Variants in AFG2A observed in about 807,000 individuals in gnomAD.
AFG2A encodes ATPase family gene 2 protein homolog A.
At chr4:122,970,159 C>T in the AFG2A span, among the ~76,000 whole-genome samples, 1 of 152,194 alleles carries the variant, frequency 6.6e-6, no homozygotes, top group Non-Finnish European at 1.5e-5. Flanking sequence ...GTCCTATAAG[C>T]CTCATTCATG....
the AFG2A span, among the ~76,000 whole-genome samples, chr4:123,250,344 A>G: frequency 1.3e-5 from 2 of 152,320 alleles, no homozygotes; most frequent in East Asian, 1.9e-4. Flanking sequence ...TATTGGTTTC[A>G]TAATAAACTA....
At chr4:123,243,762 TGTG>T in the AFG2A span, among the ~76,000 whole-genome samples, 40 of 152,018 alleles carry the variant, frequency 2.6e-4, no homozygotes, top group African/African-American at 8.9e-4. Flanking sequence ...TACAACCAGG[TGTG>T]GTGGTTCACA....
the AFG2A span, among the ~76,000 whole-genome samples, chr4:122,925,342 G>A: frequency 6.6e-6 from 1 of 152,122 alleles, no homozygotes; most frequent in Non-Finnish European, 1.5e-5. Context: ...CCATTCTGCA[G>A]CCAGAATGAT....
At chr4:122,945,350 G>A in the AFG2A span, among the ~76,000 whole-genome samples, 960 of 152,336 alleles carry the variant, frequency 6.3e-3, 4 homozygotes, top group Non-Finnish European at 6.1e-3. Flanking sequence ...GGGCAATGGC[G>A]GGCGCCCCTC....
the AFG2A span, chr4:122,934,686 T>C: frequency 6.2e-7 from 1 of 1,602,474 alleles, no homozygotes; most frequent in East Asian, 2.2e-5. Context: ...TGAAAGCAAT[T>C]AGAGAAATAA....
At chr4:123,092,575 AGCAGCTTCGCACCCATTT>A in the AFG2A span, among the ~76,000 whole-genome samples, 1 of 152,338 alleles carries the variant, frequency 6.6e-6, no homozygotes, top group Non-Finnish European at 1.5e-5. Flanking sequence ...CCACAAATTT[AGCAGCTTCGCACCCATTT>A]GTTAGTTCAC....
chr4:123,166,826 C>T, the AFG2A span, among the ~76,000 whole-genome samples: 1 of 152,194 alleles, frequency 6.6e-6, no homozygotes, highest in African/African-American at 2.4e-5. Context: ...TCTACCTTCA[C>T]TTTCTCATAG....
the AFG2A span, among the ~76,000 whole-genome samples, chr4:122,979,734 C>T: frequency 6.6e-6 from 1 of 152,046 alleles, no homozygotes; most frequent in African/African-American, 2.4e-5. Flanking sequence ...AAAACCCCAT[C>T]TCTACAAAAA....
chr4:122,958,740 G>A, the AFG2A span, among the ~76,000 whole-genome samples: 16 of 152,124 alleles, frequency 1.1e-4, no homozygotes, highest in Non-Finnish European at 2.2e-4. Flanking sequence ...CACTTTGAGA[G>A]CTATTGACCT....
chr4:123,152,745 G>A, the AFG2A span, among the ~76,000 whole-genome samples: 7 of 152,312 alleles, frequency 4.6e-5, no homozygotes, highest in African/African-American at 1.4e-4. Flanking sequence ...CAACAGTTGC[G>A]CTCCTTGGTA....
the AFG2A span, among the ~76,000 whole-genome samples, chr4:123,132,093 CT>C: frequency 1.3e-5 from 2 of 151,988 alleles, no homozygotes; most frequent in Admixed American, 6.6e-5. Context: ...GCTTCTTGGC[CT>C]TTTCCCCCCC....
chr4:123,021,575 CT>C, the AFG2A span, among the ~76,000 whole-genome samples: 1 of 152,164 alleles, frequency 6.6e-6, no homozygotes, highest in Non-Finnish European at 1.5e-5. Flanking sequence ...TTTTAGAGAA[CT>C]TCCATAATAA....
chr4:122,984,946 G>C, the AFG2A span, among the ~76,000 whole-genome samples: 40 of 152,094 alleles, frequency 2.6e-4, no homozygotes, highest in East Asian at 2.9e-3. Context: ...TCTGGTTTTG[G>C]TAGTAGGGTG....
chr4:123,097,959 T>C, the AFG2A span, among the ~76,000 whole-genome samples: 1 of 152,128 alleles, frequency 6.6e-6, no homozygotes, highest in Non-Finnish European at 1.5e-5. Context: ...ATGAAAATTA[T>C]ATGAAATTCA....
chr4:123,053,058 G>A, the AFG2A span, among the ~76,000 whole-genome samples: 5 of 152,302 alleles, frequency 3.3e-5, no homozygotes, highest in African/African-American at 1.2e-4. Flanking sequence ...AGCCACACTG[G>A]CAGCAGATTG....
At chr4:123,022,748 T>C in the AFG2A span, among the ~76,000 whole-genome samples, 3 of 151,838 alleles carry the variant, frequency 2.0e-5, no homozygotes, top group African/African-American at 7.3e-5. Flanking sequence ...ATGTTTATTG[T>C]GGCACTATTC....
At chr4:122,998,460 A>T in the AFG2A span, among the ~76,000 whole-genome samples, 21 of 149,016 alleles carry the variant, frequency 1.4e-4, no homozygotes, top group Non-Finnish European at 2.5e-4. Flanking sequence ...ATCCCTCCCC[A>T]CTCCCCCCAC....
At chr4:123,038,468 G>A in the AFG2A span, among the ~76,000 whole-genome samples, 1 of 152,020 alleles carries the variant, frequency 6.6e-6, no homozygotes, top group African/African-American at 2.4e-5. Context: ...ATTTATCTTT[G>A]AAACTGAATA....
the AFG2A span, among the ~76,000 whole-genome samples, chr4:123,279,416 CA>C: frequency 0.74 from 108,061 of 146,980 alleles, 40,102 homozygotes; most frequent in Non-Finnish European, 0.81. Flanking sequence ...TCTCAAAAAA[CA>C]AAAAAAAAAA....
Sources: allele counts gnomAD v4.1 joint callset (sites outside exome capture counted in the v4.1 genomes callset), GRCh38; gene constraint gnomAD v4.1.1; transcripts MANE v1.5; gene names NCBI Gene and HGNC (gene_info 2026-07-23, HGNC 2026-07-21).